The following PCDH9 variants were observed in gnomAD, a reference collection of about 807,000 sequenced individuals.
PCDH9 encodes protocadherin 9, also known as protocadherin-9.
A neutral mutation model predicts 70.6 loss-of-function variants in PCDH9; 24 were observed. The ratio of observed to expected loss-of-function variants is 0.34; its 90% CI spans 0.25 to 0.48. The LOEUF (loss-of-function observed/expected upper bound fraction) is 0.48. Ranked by LOEUF, PCDH9 falls within the 20% of genes least tolerant of loss-of-function variation. The pLI, the probability that PCDH9 is intolerant of heterozygous loss-of-function variation, is 0.99. For missense variants in PCDH9, 1,281 were observed against 1,503.6 expected (o/e 0.85, Z 2.45); for synonymous variants, 562 against 558.5 (o/e 1.01, Z -0.09).
intron 2 of PCDH9, among the ~76,000 whole-genome samples, chr13:67,162,171 C>A (rs2087981060): frequency 2.0e-5 from 3 of 152,126 alleles, no homozygotes; most frequent in Admixed American, 6.5e-5. Context: ...TACTTACTGG[C>A]CTAAATAGCC....
intron 3 of PCDH9, among the ~76,000 whole-genome samples, chr13:66,803,354 G>T (rs2080356610): frequency 6.6e-6 from 1 of 152,138 alleles, no homozygotes; most frequent in African/African-American, 2.4e-5. Context: ...CAGGTCAAAA[G>T]ATAACATTTA....
intron 4 of PCDH9, among the ~76,000 whole-genome samples, chr13:66,329,885 G>A (rs946060676): frequency 2.6e-5 from 4 of 152,040 alleles, no homozygotes; most frequent in African/African-American, 7.2e-5. Flanking sequence ...AGCAAAACAG[G>A]TCTTTCTTAT....
chr13:66,472,651 G>T (rs1958642880), intron 4 of PCDH9, among the ~76,000 whole-genome samples: 1 of 152,066 alleles, frequency 6.6e-6, no homozygotes, highest in African/African-American at 2.4e-5. Flanking sequence ...ATTGATGTTG[G>T]TGACTATGTC....
chr13:67,193,585 G>A (rs144690435), intron 2 of PCDH9, among the ~76,000 whole-genome samples: 270 of 152,160 alleles, frequency 1.8e-3, no homozygotes, highest in Admixed American at 4.6e-3. Context: ...TAAAACATGA[G>A]TTTTTCTGAA....
At chr13:66,876,573 G>C (rs2081815450) in intron 3 of PCDH9, among the ~76,000 whole-genome samples, 2 of 152,020 alleles carry the variant, frequency 1.3e-5, no homozygotes, top group African/African-American at 4.8e-5. Flanking sequence ...TTTGATTTTT[G>C]TTTTTGTTTT....
chr13:66,821,954 T>A (rs144807498), intron 3 of PCDH9, among the ~76,000 whole-genome samples: 1 of 152,216 alleles, frequency 6.6e-6, no homozygotes, highest in East Asian at 1.9e-4. Flanking sequence ...TAGCTGTCTA[T>A]ATGAACATTG....
chr13:66,417,618 C>G (rs941381886), intron 4 of PCDH9, among the ~76,000 whole-genome samples: 1 of 152,116 alleles, frequency 6.6e-6, no homozygotes, highest in African/African-American at 2.4e-5. Context: ...AATTTACACT[C>G]CCCCCAACAG....
intron 4 of PCDH9, among the ~76,000 whole-genome samples, chr13:66,331,107 T>C (rs1955934024): frequency 6.6e-6 from 1 of 152,144 alleles, no homozygotes; most frequent in Non-Finnish European, 1.5e-5. Context: ...AAGAGAAAGT[T>C]TGTATGTCTG....
intron 4 of PCDH9, among the ~76,000 whole-genome samples, chr13:66,620,788 C>A (rs976858881): frequency 6.6e-6 from 1 of 151,842 alleles, no homozygotes; most frequent in African/African-American, 2.4e-5. Flanking sequence ...ATTTCAGGAA[C>A]CTCACAAATT....
chr13:67,186,349 A>G (rs1359688067), intron 2 of PCDH9, among the ~76,000 whole-genome samples: 1 of 152,194 alleles, frequency 6.6e-6, no homozygotes, highest in Non-Finnish European at 1.5e-5. Context: ...TTCAGGAACC[A>G]AAAACGTATG....
intron 4 of PCDH9, among the ~76,000 whole-genome samples, chr13:66,585,293 T>A (rs1361781585): frequency 7.2e-5 from 11 of 152,156 alleles, no homozygotes; most frequent in African/African-American, 2.2e-4. Flanking sequence ...ATATAAAGTT[T>A]TGATTATCTG....
At chr13:67,017,795 T>C (rs1190720084) in intron 2 of PCDH9, among the ~76,000 whole-genome samples, 1 of 152,168 alleles carries the variant, frequency 6.6e-6, no homozygotes, top group Non-Finnish European at 1.5e-5. Flanking sequence ...CATAAATTTA[T>C]CAATGTGGTA....
rs999917543 is a variant in PCDH9 at position 66,686,818 on chromosome 13, G to C, written c.3139-55407C>G. The stretch of plus-strand genomic sequence containing the variant: ...TCTTTCAAAGGCAACATTCTGGGCA[G>C]GGCACAGGACTAGAAAAATAAACAT... On this transcript the variant is annotated intron_variant, in intron 3 of 4. Coordinates refer to ENST00000377865, the MANE Select transcript of PCDH9 (RefSeq NM_203487.3). Among the ~76,000 whole-genome samples, 3 of 152,020 alleles carry C rather than the reference G, an allele frequency of 2.0e-5. No homozygotes were observed. In the East Asian group the frequency reaches 5.8e-4, roughly 29 times the overall value.
At chr13:67,165,930 G>A (rs2088104416) in intron 2 of PCDH9, among the ~76,000 whole-genome samples, 1 of 152,090 alleles carries the variant, frequency 6.6e-6, no homozygotes, top group South Asian at 2.1e-4. Flanking sequence ...TAGAAACTAC[G>A]TAACTACCCA....
At chr13:67,127,426 C>T (rs2087003906) in intron 2 of PCDH9, among the ~76,000 whole-genome samples, 1 of 152,036 alleles carries the variant, frequency 6.6e-6, no homozygotes, top group Non-Finnish European at 1.5e-5. Flanking sequence ...CTTGCTGTAT[C>T]CAGTCTAAGT....
chr13:66,335,329 A>G (rs1956018976), intron 4 of PCDH9, among the ~76,000 whole-genome samples: 1 of 152,070 alleles, frequency 6.6e-6, no homozygotes, highest in African/African-American at 2.4e-5. Flanking sequence ...TCCTCTTAAA[A>G]TCGAGCTTGC....
intron 3 of PCDH9, among the ~76,000 whole-genome samples, chr13:66,752,743 T>A (rs756168422): frequency 6.6e-6 from 1 of 152,224 alleles, no homozygotes. Context: ...GTTGTCTGAT[T>A]TGATACAGTA....
At chr13:66,735,407 A>T (rs1042790498) in intron 3 of PCDH9, among the ~76,000 whole-genome samples, 1 of 152,214 alleles carries the variant, frequency 6.6e-6, no homozygotes, top group Non-Finnish European at 1.5e-5. Flanking sequence ...TTGTTCACAA[A>T]CACAAGGATA....
intron 4 of PCDH9, among the ~76,000 whole-genome samples, chr13:66,566,388 G>GTTAA (rs2076652591): frequency 6.6e-6 from 1 of 152,114 alleles, no homozygotes; most frequent in African/African-American, 2.4e-5. Context: ...AGCCAAGGAT[G>GTTAA]TTAATCCAAT....
Sources: gnomAD v4.1 joint callset for allele counts (sites outside exome capture counted in the v4.1 genomes callset) on GRCh38, gnomAD v4.1.1 for gene constraint, MANE v1.5 for transcripts, NCBI Gene and HGNC (gene_info 2026-07-23, HGNC 2026-07-21) for gene names.